ST3GAL2: variants seen among roughly 807,000 people sequenced by gnomAD.
The protein encoded by ST3GAL2 is ST3 beta-galactoside alpha-2,3-sialyltransferase 2.
In ST3GAL2, 16 loss-of-function variants were observed where a neutral mutation model predicts 37.5. The ratio of observed to expected loss-of-function variants is 0.43; its 90% CI spans 0.29 to 0.65. ST3GAL2 has a LOEUF of 0.65. ST3GAL2 is among the 30% of genes least tolerant of loss of function. ST3GAL2 has a pLI of 0.17. For missense variants in ST3GAL2, 383 were observed against 487.8 expected, an observed-to-expected ratio of 0.79 and a Z score of 2.02; for synonymous variants, 238 against 202.9, an observed-to-expected ratio of 1.17 and a Z score of -1.47.
At position 70,398,775 on chromosome 16, in the gene ST3GAL2, C is replaced by A. The variant is rs957692630; in HGVS notation, c.-245G>T. ...GCCCCTGCTTAGGGCTTCATCGGGT[C>A]TCTCCGTCACTAGCTAGGCCACAGA... On this transcript the variant is annotated 5_prime_UTR_variant, in exon 2 of 7. Transcript: ENST00000342907. The A allele has an allele frequency of 5.1e-6, 3 of 585,134 alleles. No homozygotes were observed. Among genetic ancestry groups the A allele is most frequent in the Non-Finnish European group, 6.1e-6 (2 of 329,030 alleles). 36.2% of individuals were successfully genotyped at this position (585,134 alleles called of 1,614,324 possible). A position where few individuals can be genotyped will look rare whatever the true frequency, so the allele number is the denominator to read the frequency against.
rs779308973 is a variant in ST3GAL2 at position 70,379,161 on chromosome 16, T to C, written c.*2528A>G. 6.6e-6 allele frequency: 1 copy of C among 152,182 alleles called. No individual in the cohort carries two copies. Among genetic ancestry groups the C allele is most frequent in the Non-Finnish European group, 1.5e-5 (1 of 68,060 alleles). The allele number at this position is 152,182 out of a possible 1,614,324, so 9.4% of individuals were successfully genotyped here. A position where few individuals can be genotyped will look rare whatever the true frequency, so the allele number is the denominator to read the frequency against. ...GTGGCCACCCAAATGTATCGGAGCC[T>C]GATGGATACCTGGAGACATCATGTT... is the stretch of plus-strand genomic sequence containing the variant. On this transcript the variant is annotated 3_prime_UTR_variant, in exon 7 of 7. Coordinates refer to ENST00000342907, the MANE Select transcript of ST3GAL2 (RefSeq NM_006927.4).
chr16:70,415,471 G>A (rs1175317572), intron 1 of ST3GAL2, among the ~76,000 whole-genome samples: 1 of 152,184 alleles, frequency 6.6e-6, no homozygotes, highest in Non-Finnish European at 1.5e-5. Flanking sequence ...TATATTGCAA[G>A]CCAGTCAGGA....
At position 70,398,176 on chromosome 16, in the gene ST3GAL2, G is replaced by T; in HGVS notation, c.339+16C>A. 6.2e-7 allele frequency: 1 copy of T among 1,606,558 alleles called. No individual in the cohort carries two copies. The highest frequency in any genetic ancestry group is 8.5e-7 in the Non-Finnish European group (1 of 1,174,812). ...AACTGGGGGACAGATCCCTGGAAGG[G>T]AGCAGCAGCTCTTACCATCCACCAC... On this transcript the variant is annotated intron_variant, in intron 2 of 6. Transcript: ENST00000342907.
At chr16:70,394,278 G>A (rs1471993285) in intron 3 of ST3GAL2, among the ~76,000 whole-genome samples, 2 of 152,184 alleles carry the variant, frequency 1.3e-5, no homozygotes, top group Non-Finnish European at 2.9e-5. Flanking sequence ...ATCTGCCAGC[G>A]AGAATCACCT....
At chr16:70,423,092 A>G (rs924515942) in intron 1 of ST3GAL2, 1 of 152,538 alleles carries the variant, frequency 6.6e-6, no homozygotes, top group African/African-American at 2.4e-5. Flanking sequence ...GAAACAGCAC[A>G]GGAGGGTGGG....
chr16:70,433,414 T>C (rs1358413581), intron 1 of ST3GAL2, among the ~76,000 whole-genome samples: 4 of 152,176 alleles, frequency 2.6e-5, no homozygotes, highest in Non-Finnish European at 5.9e-5. Flanking sequence ...CAAGTCCTTA[T>C]CCAGCACCTG....
At chr16:70,383,657 AGAAAG>A (rs2047422066) in intron 4 of ST3GAL2, among the ~76,000 whole-genome samples, 1 of 151,480 alleles carries the variant, frequency 6.6e-6, no homozygotes, top group South Asian at 2.1e-4. Flanking sequence ...AAAGGAAAGG[AGAAAG>A]GAAAGGAAGA....
At chr16:70,411,859 T>G (rs2047640481) in intron 1 of ST3GAL2, among the ~76,000 whole-genome samples, 1 of 151,862 alleles carries the variant, frequency 6.6e-6, no homozygotes, top group Admixed American at 6.6e-5. Context: ...CTGGGTGTGG[T>G]GGCGGATGTC....
At chr16:70,388,646 G>A in intron 3 of ST3GAL2, 100 bp from the exon 4 acceptor site, 2 of 1,327,624 alleles carry the variant, frequency 1.5e-6, no homozygotes, top group South Asian at 1.5e-5. Flanking sequence ...ATGCAAACGG[G>A]TGTATACTCC....
At position 70,405,540 on chromosome 16, in the gene ST3GAL2, TAAAAAAAAAAAAA is replaced by T. The variant is rs58998342; in HGVS notation, c.-1003-6020_-1003-6008del. Reference sequence around the variant, plus strand: ...TGGGTGACACAGTGAGACTCCGTCTTAAAAAAAAAAAAAAAAAAAAAAAAAAGGAAAAAAAGGA... The same window carrying T: ...TGGGTGACACAGTGAGACTCCGTCTTAAAAAAAAAAAAAGGAAAAAAAGGA... On this transcript the variant is annotated intron_variant, in intron 1 of 6. Coordinates refer to ENST00000342907, the MANE Select transcript of ST3GAL2 (RefSeq NM_006927.4). Among the ~76,000 whole-genome samples the T allele has an allele frequency of 4.9e-5, 5 of 101,474 alleles. No homozygotes were observed. In the East Asian group the frequency reaches 8.7e-4, roughly 18 times the overall value. 66.6% of individuals were successfully genotyped at this position (101,474 alleles called of 152,430 possible).
At chr16:70,419,898 G>A (rs1450901030) in intron 1 of ST3GAL2, among the ~76,000 whole-genome samples, 2 of 152,046 alleles carry the variant, frequency 1.3e-5, no homozygotes, top group Non-Finnish European at 2.9e-5. Flanking sequence ...CAGGCAATAT[G>A]ATGACAGCAA....
intron 1 of ST3GAL2, among the ~76,000 whole-genome samples, chr16:70,420,836 T>C (rs781614722): frequency 6.6e-6 from 1 of 152,194 alleles, no homozygotes; most frequent in Non-Finnish European, 1.5e-5. Flanking sequence ...AAGGAAGCCA[T>C]GTCCTCCCAC....
At chr16:70,417,124 C>T (rs1218936788) in intron 1 of ST3GAL2, among the ~76,000 whole-genome samples, 4 of 152,304 alleles carry the variant, frequency 2.6e-5, no homozygotes, top group South Asian at 2.1e-4. Context: ...GCACCCATCT[C>T]GAAGGGGTTC....
Position 70,426,192 on chromosome 16 carries a change from T to TG in ST3GAL2, c.-1004+12756_-1004+12757insC, listed in dbSNP as rs1254635401. Among the ~76,000 whole-genome samples, 6 of 142,316 alleles carry TG rather than the reference T, an allele frequency of 4.2e-5. No individual in the cohort carries two copies. The East Asian group carries it at 1.0e-3, about 24-fold the overall frequency. 93.4% of individuals were successfully genotyped at this position (142,316 alleles called of 152,430 possible). Reference sequence around the variant, plus strand: ...ATGGGGGCCAAAGCCTTTTTTTTTTTTTTTTTTTTTTTTGTTTTTGAGACT... The same window carrying TG: ...ATGGGGGCCAAAGCCTTTTTTTTTTTGTTTTTTTTTTTTTGTTTTTGAGACT... On this transcript the variant is annotated intron_variant, in intron 1 of 6. Coordinates refer to ENST00000342907, the MANE Select transcript of ST3GAL2 (RefSeq NM_006927.4).
At chr16:70,392,663 G>T (rs1178845078) in intron 3 of ST3GAL2, among the ~76,000 whole-genome samples, 1 of 152,140 alleles carries the variant, frequency 6.6e-6, no homozygotes, top group Non-Finnish European at 1.5e-5. Context: ...AGGTGGGTGG[G>T]GCACAGGTGG....
chr16:70,410,754 TCAA>T (rs1341832938), intron 1 of ST3GAL2, among the ~76,000 whole-genome samples: 3 of 151,256 alleles, frequency 2.0e-5, no homozygotes, highest in Admixed American at 1.3e-4. Flanking sequence ...GGTAATGTGG[TCAA>T]CAATTCTAGT....
chr16:70,434,494 A>C (rs1260837064), intron 1 of ST3GAL2, among the ~76,000 whole-genome samples: 1 of 152,154 alleles, frequency 6.6e-6, no homozygotes, highest in African/African-American at 2.4e-5. Context: ...AGGACAATTA[A>C]GGTTTGTTGA....
At chr16:70,383,311 G>A in intron 4 of ST3GAL2, 76 bp from the exon 5 acceptor site, 16 of 1,441,466 alleles carry the variant, frequency 1.1e-5, no homozygotes, top group Non-Finnish European at 1.5e-5. Flanking sequence ...AGCACTTTGG[G>A]AGGCTGAGGC....
At chr16:70,419,769 C>T (rs1036203182) in intron 1 of ST3GAL2, among the ~76,000 whole-genome samples, 2 of 152,186 alleles carry the variant, frequency 1.3e-5, no homozygotes, top group Non-Finnish European at 2.9e-5. Context: ...TTCTCATCAT[C>T]AGCCCCAGTC....
Sources: gnomAD v4.1 joint callset for allele counts (sites outside exome capture counted in the v4.1 genomes callset) on GRCh38, gnomAD v4.1.1 for gene constraint, MANE v1.5 for transcripts, NCBI Gene and HGNC (gene_info 2026-07-23, HGNC 2026-07-21) for gene names.